The following KLHL4 variants were observed in gnomAD, a reference collection of about 807,000 sequenced individuals.
The protein encoded by KLHL4 is kelch like family member 4.
Under a neutral mutation model 45.8 loss-of-function variants are expected in KLHL4, and 17 were observed. The observed-to-expected ratio is 0.37, with a 90% confidence interval of 0.25 to 0.56. The LOEUF (loss-of-function observed/expected upper bound fraction) is 0.56, where lower values mean the gene tolerates loss of function less well. Ranked by LOEUF, KLHL4 falls within the 20% of genes least tolerant of loss-of-function variation. The pLI, the probability that KLHL4 is intolerant of heterozygous loss-of-function variation, is 0.79. For missense variants in KLHL4, 544 were observed against 544.9 expected, an observed-to-expected ratio of 1.00 and a Z score of 0.02; for synonymous variants, 224 against 189.9, an observed-to-expected ratio of 1.18 and a Z score of -1.47.
intron 1 of KLHL4, among the ~76,000 whole-genome samples, chrX:87,573,974 A>G (rs1921013680): frequency 9.0e-6 from 1 of 111,680 alleles, no homozygotes; most frequent in African/African-American, 3.2e-5. Context: ...TAAATGTAAC[A>G]ATATCATTTA....
intron 4 of KLHL4, among the ~76,000 whole-genome samples, chrX:87,620,536 G>A (rs927605698): frequency 5.4e-5 from 6 of 111,697 alleles, no homozygotes; most frequent in Non-Finnish European, 1.1e-4. Flanking sequence ...ATTGGAGAGT[G>A]GGTAAAAAGG....
At chrX:87,540,272 T>C (rs1931523320) in intron 1 of KLHL4, among the ~76,000 whole-genome samples, 1 of 111,246 alleles carries the variant, frequency 9.0e-6, no homozygotes, top group Admixed American at 9.6e-5. Flanking sequence ...TTAATTAAAA[T>C]ATGTTTTTAA....
intron 1 of KLHL4, among the ~76,000 whole-genome samples, chrX:87,594,820 T>C (rs1027898175): frequency 1.8e-5 from 2 of 111,800 alleles, no homozygotes; most frequent in African/African-American, 3.2e-5. Flanking sequence ...TAAAATCTCT[T>C]TTGTCTCACC....
intron 7 of KLHL4, 37 bp downstream of exon 7, chrX:87,632,471 T>G (rs755918622): frequency 4.2e-6 from 4 of 951,370 alleles, no homozygotes; most frequent in Non-Finnish European, 5.8e-6. Context: ...CAAGAATGTA[T>G]AGTAAGTAGA....
intron 4 of KLHL4, among the ~76,000 whole-genome samples, chrX:87,618,793 C>A (rs1922651979): frequency 9.0e-6 from 1 of 111,715 alleles, no homozygotes; most frequent in Non-Finnish European, 1.9e-5. Context: ...GACACTGCGC[C>A]CAGCCCAGAT....
At position 87,622,348 on chromosome X, in the gene KLHL4, G is replaced by T. The variant is rs2273050; in HGVS notation, c.1062G>T (p.Gly354=). The T allele has an allele frequency of 0.2, 244,229 of 1,206,506 alleles. 17,598 individuals carry two copies. Among genetic ancestry groups the T allele is most frequent in the Non-Finnish European group, 0.21 (191,732 of 893,109 alleles). ...TTCATGCTCTAATGCAGTGGGTGGGGCATGATGTGCAGAATAGGCAAGGAG... is the reference window on the plus strand; with the variant it reads ...TTCATGCTCTAATGCAGTGGGTGGGTCATGATGTGCAGAATAGGCAAGGAG... ...TIFHALMQWV[G]HDVQNRQGEL... The change falls in exon 5 of 11, where the codon GGG becomes GGT. Residue 354 remains glycine (G), a synonymous_variant. Transcript: ENST00000373119.
intron 1 of KLHL4, among the ~76,000 whole-genome samples, chrX:87,531,602 T>A (rs1273434322): frequency 1.9e-5 from 2 of 106,071 alleles, no homozygotes; most frequent in African/African-American, 6.9e-5. Flanking sequence ...CAGCCCAAAA[T>A]CTCCTTAAGC....
intron 1 of KLHL4, among the ~76,000 whole-genome samples, chrX:87,580,247 T>C (rs5969265): frequency 9.4e-6 from 1 of 105,884 alleles, no homozygotes; most frequent in Non-Finnish European, 1.9e-5. Flanking sequence ...AAGGAATTAA[T>C]GCATATCACT....
rs569591297 is a variant in KLHL4, at chrX:87,637,546, C to T, written c.1925+1771C>T. Among the ~76,000 whole-genome samples, 176 of 111,032 alleles carry T rather than the reference C, an allele frequency of 1.6e-3. 2 individuals carry two copies. The South Asian group carries it at 0.056, about 35-fold the overall frequency. On this transcript the variant is annotated intron_variant, in intron 9 of 10. Coordinates refer to ENST00000373119, the MANE Select transcript of KLHL4 (RefSeq NM_019117.5). ...AACTATTAAGCCAATCAAGGAGGTA[C>T]GGGAGAATGGTGAAGTCCAACTTAA...
At chrX:87,523,623 A>G (rs1486566997) in intron 1 of KLHL4, among the ~76,000 whole-genome samples, 1 of 111,815 alleles carries the variant, frequency 8.9e-6, no homozygotes, top group Non-Finnish European at 1.9e-5. Flanking sequence ...AAATCATAAT[A>G]TAAAATAAAC....
intron 1 of KLHL4, among the ~76,000 whole-genome samples, chrX:87,568,273 TC>T (rs1932256338): frequency 9.1e-6 from 1 of 109,912 alleles, no homozygotes; most frequent in African/African-American, 3.3e-5. Flanking sequence ...TATCCTGTGT[TC>T]CTGGATTGGA....
intron 1 of KLHL4, among the ~76,000 whole-genome samples, chrX:87,549,543 A>G (rs970003744): frequency 2.4e-4 from 27 of 111,834 alleles, no homozygotes; most frequent in Admixed American, 2.0e-3. Flanking sequence ...GTCTTCACGC[A>G]TTGAAAATTT....
intron 1 of KLHL4, among the ~76,000 whole-genome samples, chrX:87,539,475 G>A (rs1005912707): frequency 2.7e-5 from 3 of 110,206 alleles, no homozygotes; most frequent in Admixed American, 9.8e-5. Context: ...CAATGCATCC[G>A]ATTTTTGGAC....
chrX:87,540,237 C>T (rs1304839065), intron 1 of KLHL4, among the ~76,000 whole-genome samples: 1 of 111,364 alleles, frequency 9.0e-6, no homozygotes, highest in Non-Finnish European at 1.9e-5. Flanking sequence ...ACATTATAAA[C>T]ACTGTACACC....
intron 1 of KLHL4, among the ~76,000 whole-genome samples, chrX:87,546,502 C>T (rs940952621): frequency 1.8e-5 from 2 of 112,389 alleles, no homozygotes; most frequent in Admixed American, 9.4e-5. Context: ...AGGGAGAAAG[C>T]CCTCATGGAG....
intron 1 of KLHL4, among the ~76,000 whole-genome samples, chrX:87,533,381 A>G (rs868059317): frequency 1.5e-4 from 15 of 98,752 alleles, no homozygotes; most frequent in African/African-American, 4.8e-4. Flanking sequence ...GCCATAAAAA[A>G]TGATGAGTTC....
intron 1 of KLHL4, among the ~76,000 whole-genome samples, chrX:87,570,161 A>G (rs977553494): frequency 9.0e-6 from 1 of 111,319 alleles, no homozygotes; most frequent in African/African-American, 3.2e-5. Flanking sequence ...ACAGAATATC[A>G]TAAGAGGTAC....
chrX:87,633,728 A>G lies in KLHL4; in HGVS notation c.1550-21A>G. 3 of 1,155,426 alleles carry G rather than the reference A, an allele frequency of 2.6e-6. No individual in the cohort carries two copies. In the East Asian group the frequency reaches 9.1e-5, roughly 35 times the overall value. ...GTGTGGCATACCTAGGTGAACCCAC[A>G]TATTATTTTAATTTTTTTAGGTGTA... On this transcript the variant is annotated intron_variant, in intron 7 of 10. Transcript: ENST00000373119.
At position 87,585,507 on chromosome X, in the gene KLHL4, TTTTG is replaced by T. The variant is rs772150114; in HGVS notation, c.423-28358_423-28355del. Among the ~76,000 whole-genome samples the T allele has an allele frequency of 8.2e-4, 91 of 111,654 alleles. 1 individual carries two copies. In the East Asian group the frequency reaches 8.8e-3, roughly 11 times the overall value. ...AACAGATTTTTTTTATTAGTTTTCT[TTTTG>T]TTTGTTTGTTTATGCAAATAGTGTT... On this transcript the variant is annotated intron_variant, in intron 1 of 10. Transcript: ENST00000373119.
Sources: allele counts gnomAD v4.1 joint callset (sites outside exome capture counted in the v4.1 genomes callset), GRCh38; gene constraint gnomAD v4.1.1; transcripts MANE v1.5; gene names NCBI Gene and HGNC (gene_info 2026-07-23, HGNC 2026-07-21).